The following NTRK1 variants were observed in gnomAD, a reference collection of about 807,000 sequenced individuals.
NTRK1 encodes the protein neurotrophic receptor tyrosine kinase 1.
A neutral mutation model predicts 86.8 loss-of-function variants in NTRK1; 62 were observed. The observed-to-expected ratio is 0.71, with a 90% CI of 0.58 to 0.88. The LOEUF is 0.88. Among genes scored for constraint, NTRK1 ranks in the 40% least tolerant of loss-of-function variants. The pLI is 0.00. For synonymous variants in NTRK1, 469 were observed against 456.6 expected, an observed-to-expected ratio of 1.03 and a Z score of -0.35; for missense variants, 967 against 1,078.4, an observed-to-expected ratio of 0.90 and a Z score of 1.45.
chr1:156,874,524 C>T (rs2102909669), intron 9 of NTRK1, 47 bp from the exon 10 acceptor site: 2 of 1,612,844 alleles, frequency 1.2e-6, no homozygotes, highest in Non-Finnish European at 1.7e-6. Flanking sequence ...TTACTGGAGG[C>T]TACAGTGTGT....
At chr1:156,878,108 G>A (rs1648029836) in intron 14 of NTRK1, among the ~76,000 whole-genome samples, 1 of 152,212 alleles carries the variant, frequency 6.6e-6, no homozygotes, top group Non-Finnish European at 1.5e-5. Flanking sequence ...TCAATGGAGG[G>A]AATCATTAAT....
At chr1:156,844,213 G>T (rs1391437469) in intron 2 of NTRK1, 2 of 1,613,956 alleles carry the variant, frequency 1.2e-6, no homozygotes, top group South Asian at 2.2e-5. Context: ...CAGCAAGAAC[G>T]ATGAGCAGCG....
intron 1 of NTRK1, among the ~76,000 whole-genome samples, chr1:156,820,310 G>A (rs746891798): frequency 7.9e-5 from 12 of 152,036 alleles, no homozygotes; most frequent in Non-Finnish European, 1.3e-4. Flanking sequence ...GCAGTGGCAC[G>A]ATCTCGGCTC....
At chr1:156,841,887 C>T in intron 1 of NTRK1, 1 of 1,603,316 alleles carries the variant, frequency 6.2e-7, no homozygotes. Flanking sequence ...TCTTCTCATC[C>T]TCCAGAGTCA....
intron 6 of NTRK1, among the ~76,000 whole-genome samples, chr1:156,868,992 C>T (rs907252856): frequency 1.9e-4 from 27 of 139,320 alleles, no homozygotes; most frequent in African/African-American, 6.0e-4. Context: ...AACAGACCAT[C>T]CCTCCCGTAC....
intron 1 of NTRK1, among the ~76,000 whole-genome samples, chr1:156,864,037 C>A (rs549361749): frequency 7.2e-5 from 11 of 152,168 alleles, no homozygotes; most frequent in African/African-American, 2.7e-4. Flanking sequence ...TCTGTGTGTG[C>A]GCATGTGCAT....
At chr1:156,822,071 CAGT>C (rs1654204989) in intron 1 of NTRK1, among the ~76,000 whole-genome samples, 1 of 152,158 alleles carries the variant, frequency 6.6e-6, no homozygotes, top group Admixed American at 6.5e-5. Context: ...CTGATAGAGG[CAGT>C]GGTGGTTTGG....
intron 5 of NTRK1, 45 bp downstream of exon 5, chr1:156,868,294 G>T: frequency 1.3e-6 from 2 of 1,598,646 alleles, no homozygotes; most frequent in South Asian, 1.1e-5. Flanking sequence ...CTGGGGAAGA[G>T]ACCTACCTGC....
intron 1 of NTRK1, among the ~76,000 whole-genome samples, chr1:156,833,017 G>A (rs976753808): frequency 2.0e-5 from 3 of 152,200 alleles, no homozygotes. Context: ...GGGCCATACA[G>A]ACACCATCCT....
At chr1:156,840,804 G>T (rs751986902) in intron 1 of NTRK1, 26 of 1,217,968 alleles carry the variant, frequency 2.1e-5, no homozygotes, top group Middle Eastern at 5.1e-4. Context: ...ACATTCAGGC[G>T]TCTCAGCCAC....
At chr1:156,820,970 T>C (rs145467550) in intron 1 of NTRK1, among the ~76,000 whole-genome samples, 1 of 152,222 alleles carries the variant, frequency 6.6e-6, no homozygotes. Context: ...TCAGCAGTGT[T>C]TTCTTTGTAG....
intron 2 of NTRK1, chr1:156,843,401 A>T (rs769551134): frequency 7.4e-6 from 12 of 1,611,498 alleles, no homozygotes; most frequent in Non-Finnish European, 1.0e-5. Context: ...TTCCCACACC[A>T]CCTGTCCACC....
At chr1:156,858,523 T>G, upstream of NTRK1, 1 of 1,610,632 alleles carries the variant, frequency 6.2e-7, no homozygotes, top group Non-Finnish European at 8.5e-7. Context: ...TGGGAGCCAG[T>G]TCTGGGGACT....
intron 6 of NTRK1, among the ~76,000 whole-genome samples, chr1:156,869,182 C>T (rs61813772): frequency 0.089 from 13,470 of 152,000 alleles, 1,047 homozygotes; most frequent in African/African-American, 0.21. Flanking sequence ...AGCGATTCTG[C>T]GATTCTCCTG....
At chr1:156,880,374 C>T (rs530673612) in intron 16 of NTRK1, 2 of 605,842 alleles carry the variant, frequency 3.3e-6, no homozygotes, top group African/African-American at 1.9e-5. Context: ...AGCCCAGGCC[C>T]AGTTGGCCCC....
At chr1:156,845,048 G>A (rs757991130) in intron 2 of NTRK1, 1 of 1,585,382 alleles carries the variant, frequency 6.3e-7, no homozygotes. Flanking sequence ...GGTGATGGGG[G>A]TAGAAGGTGT....
At chr1:156,865,128 T>C (rs1655865114) in intron 3 of NTRK1, 1 of 385,412 alleles carries the variant, frequency 2.6e-6, no homozygotes, top group Admixed American at 3.7e-5. Context: ...ACTCCTGGGT[T>C]CTGGCTGGGA....
Position 156,876,428 on chromosome 1 carries a change from G to A in NTRK1, c.1661G>A (p.Arg554Gln), listed in dbSNP as rs764417252. The stretch of plus-strand genomic sequence containing the variant: ...CTGAAGGAGGCGTCCGAGAGTGCTC[G>A]GCAGGACTTCCAGCGTGAGGCTGAG... ...KALKEASESARQDFQREAELL... is the reference protein window; with the variant it reads ...KALKEASESAQQDFQREAELL... Residue 554 changes from arginine to glutamine, a missense_variant, in exon 14 of 17, where the codon CGG becomes CAG. Arg to Gln is a conservative substitution (Grantham distance 43). This residue lies in a region of NTRK1 where 637 missense variants were observed against 776.5 expected (regional missense o/e 0.82). Coordinates refer to ENST00000524377, the MANE Select transcript of NTRK1 (RefSeq NM_002529.4). 2.8e-5 allele frequency: 45 copies of A among 1,613,750 alleles called. 1 individual carries two copies. In the African/African-American group the frequency reaches 3.1e-4, roughly 11 times the overall value.
chr1:156,846,108 G>A, intron 2 of NTRK1: 1 of 1,600,752 alleles, frequency 6.2e-7, no homozygotes, highest in African/African-American at 1.3e-5. Context: ...ACGTCTTGGG[G>A]CACCGTGGGA....
Sources: allele counts gnomAD v4.1 joint callset (sites outside exome capture counted in the v4.1 genomes callset), GRCh38; gene constraint gnomAD v4.1.1; regional missense constraint gnomAD v4.1.1; transcripts MANE v1.5; gene names NCBI Gene and HGNC (gene_info 2026-07-23, HGNC 2026-07-21).